Variants in SPAG16 observed in about 807,000 individuals in gnomAD.
The protein encoded by SPAG16 is sperm associated antigen 16, also known as sperm-associated antigen 16 protein.
Under a neutral mutation model 80.4 loss-of-function variants are expected in SPAG16, and 86 were observed. The ratio of observed to expected loss-of-function variants is 1.07; its 90% CI spans 0.90 to 1.28. The LOEUF is 1.28. Ranked by LOEUF, SPAG16 falls within the 50% of genes most tolerant of loss-of-function variation. SPAG16 has a pLI of 0.00. For synonymous variants in SPAG16, 294 were observed against 265.9 expected, an observed-to-expected ratio of 1.11 and a Z score of -1.03; for missense variants, 870 against 765.3, an observed-to-expected ratio of 1.14 and a Z score of -1.61.
chr2:213,964,741 T>C (rs139018814), intron 12 of SPAG16, among the ~76,000 whole-genome samples: 77 of 152,098 alleles, frequency 5.1e-4, no homozygotes, highest in Non-Finnish European at 9.4e-4. Flanking sequence ...TCAATCAGAG[T>C]CAAAATGTTC....
chr2:213,449,870 A>G (rs576731682), intron 9 of SPAG16, among the ~76,000 whole-genome samples: 11 of 152,368 alleles, frequency 7.2e-5, no homozygotes, highest in Non-Finnish European at 1.0e-4. Context: ...TATTTTTAGT[A>G]GAATTTCTAC....
chr2:214,390,268 A>C (rs938533506), intron 15 of SPAG16, among the ~76,000 whole-genome samples: 3 of 150,514 alleles, frequency 2.0e-5, no homozygotes, highest in Non-Finnish European at 4.4e-5. Context: ...ATGCATGGTC[A>C]GTGGTAGAGC....
chr2:213,564,999 T>G (rs1351443672), intron 10 of SPAG16, among the ~76,000 whole-genome samples: 1 of 152,216 alleles, frequency 6.6e-6, no homozygotes, highest in African/African-American at 2.4e-5. Flanking sequence ...ACTTACTGGT[T>G]GTTTTATAGT....
chr2:214,079,291 A>C (rs1382149581), intron 13 of SPAG16, among the ~76,000 whole-genome samples: 2 of 152,224 alleles, frequency 1.3e-5, no homozygotes, highest in African/African-American at 2.4e-5. Context: ...TATAAAGCTT[A>C]TGATATGTAG....
intron 9 of SPAG16, among the ~76,000 whole-genome samples, chr2:213,379,389 G>A (rs6435774): frequency 0.68 from 103,537 of 152,144 alleles, 36,008 homozygotes; most frequent in East Asian, 1. Flanking sequence ...GCAATTCTAC[G>A]GTTTTATCAA....
chr2:213,580,584 C>T (rs954407974), intron 10 of SPAG16, among the ~76,000 whole-genome samples: 2 of 152,100 alleles, frequency 1.3e-5, no homozygotes, highest in African/African-American at 4.8e-5. Flanking sequence ...ACAACCCCAA[C>T]AACAATGGAT....
At chr2:213,562,594 A>G (rs2059628771) in intron 10 of SPAG16, among the ~76,000 whole-genome samples, 2 of 152,122 alleles carry the variant, frequency 1.3e-5, no homozygotes, top group African/African-American at 4.8e-5. Flanking sequence ...GGCCAATGTC[A>G]TATTTATAGA....
At chr2:214,355,349 A>G (rs1195572882) in intron 15 of SPAG16, among the ~76,000 whole-genome samples, 4 of 136,992 alleles carry the variant, frequency 2.9e-5, no homozygotes, top group Non-Finnish European at 6.5e-5. Context: ...AACCCCATCA[A>G]AAAGTGGGCG....
intron 9 of SPAG16, among the ~76,000 whole-genome samples, chr2:213,440,420 C>T (rs186678097): frequency 5.9e-4 from 90 of 151,816 alleles, no homozygotes; most frequent in Middle Eastern, 3.4e-3. Context: ...CTGGGCGTGG[C>T]GGCGGGCGCC....
chr2:213,745,978 G>A (rs1242236625), intron 10 of SPAG16, among the ~76,000 whole-genome samples: 1 of 152,168 alleles, frequency 6.6e-6, no homozygotes, highest in Non-Finnish European at 1.5e-5. Flanking sequence ...GCTTCATGCT[G>A]TTATGCTAAG....
At chr2:213,410,294 CATTT>C (rs544066591) in intron 9 of SPAG16, among the ~76,000 whole-genome samples, 414 of 152,348 alleles carry the variant, frequency 2.7e-3, no homozygotes, top group Non-Finnish European at 4.1e-3. Flanking sequence ...CAAACTACTG[CATTT>C]AATGCTTGCG....
chr2:214,113,736 A>T (rs1330235837), intron 14 of SPAG16, among the ~76,000 whole-genome samples: 1 of 152,088 alleles, frequency 6.6e-6, no homozygotes, highest in East Asian at 1.9e-4. Context: ...TCTTTTTTCA[A>T]GGTTTTTAGC....
intron 13 of SPAG16, among the ~76,000 whole-genome samples, chr2:214,030,388 A>G (rs1028045330): frequency 6.6e-6 from 1 of 152,198 alleles, no homozygotes; most frequent in African/African-American, 2.4e-5. Flanking sequence ...AGCATTATTC[A>G]TAACAGCCGA....
intron 11 of SPAG16, among the ~76,000 whole-genome samples, chr2:213,897,845 G>A (rs927040640): frequency 3.9e-5 from 6 of 152,168 alleles, no homozygotes; most frequent in Admixed American, 1.3e-4. Flanking sequence ...TTTTCTGCAA[G>A]AAAGGACTGA....
chr2:214,404,709 G>T (rs968483789), intron 15 of SPAG16, among the ~76,000 whole-genome samples: 1 of 152,000 alleles, frequency 6.6e-6, no homozygotes, highest in African/African-American at 2.4e-5. Flanking sequence ...GCTAGGACTT[G>T]GATTGAAGGT....
chr2:214,345,114 C>T (rs896791456), intron 15 of SPAG16, among the ~76,000 whole-genome samples: 1 of 152,144 alleles, frequency 6.6e-6, no homozygotes, highest in Non-Finnish European at 1.5e-5. Context: ...TCTTATTTGA[C>T]TACTGAACCC....
intron 14 of SPAG16, among the ~76,000 whole-genome samples, chr2:214,117,552 A>T (rs1335514942): frequency 6.6e-6 from 1 of 152,166 alleles, no homozygotes; most frequent in Non-Finnish European, 1.5e-5. Flanking sequence ...AACAACAACA[A>T]CAACCAACAC....
intron 12 of SPAG16, among the ~76,000 whole-genome samples, chr2:213,934,969 G>A (rs2078925388): frequency 6.6e-6 from 1 of 152,140 alleles, no homozygotes; most frequent in Admixed American, 6.5e-5. Flanking sequence ...TTGGGAGGCT[G>A]AGGCAGGCCG....
At chr2:214,332,702 A>T (rs1697006392) in intron 15 of SPAG16, among the ~76,000 whole-genome samples, 2 of 152,152 alleles carry the variant, frequency 1.3e-5, no homozygotes. Flanking sequence ...TTAAATGGGG[A>T]TATTATGGAG....
Sources: allele counts gnomAD v4.1 joint callset (sites outside exome capture counted in the v4.1 genomes callset), GRCh38; gene constraint gnomAD v4.1.1; transcripts MANE v1.5; gene names NCBI Gene and HGNC (gene_info 2026-07-23, HGNC 2026-07-21).